INPP5B: variants seen among roughly 807,000 people sequenced by gnomAD.
INPP5B encodes type II inositol 1,4,5-trisphosphate 5-phosphatase.
INPP5B carries 90 observed loss-of-function variants against 118.5 expected under a neutral mutation model. The observed-to-expected ratio is 0.76, with a 90% CI of 0.64 to 0.90. The LOEUF (loss-of-function observed/expected upper bound fraction) is 0.90. INPP5B is among the 40% of genes least tolerant of loss of function. The pLI is 0.00. For synonymous variants in INPP5B, 385 were observed against 418.9 expected (o/e 0.92, Z 0.99); for missense variants, 984 against 1,125.6 (o/e 0.87, Z 1.80).
Position 37,864,388 on chromosome 1 carries a change from G to T in INPP5B, c.2550C>A (p.Val850=). Residue 850 remains valine, a synonymous_variant, in exon 23 of 24, where the codon GTC becomes GTA. Transcript: ENST00000373024. ...ISTLPIFHKN[V]FHYLMAFLRE... is the part of the protein sequence containing the mutation. ...GCAAAAACGCCATCAAGTAGTGGAA[G>T]ACATTTTTGTGGAATATGGGGAGAG... 1 of 1,612,964 alleles carries T rather than the reference G, an allele frequency of 6.2e-7. No individual in the cohort carries two copies. Among genetic ancestry groups the T allele is most frequent in the Non-Finnish European group, 8.5e-7 (1 of 1,179,006 alleles).
chr1:37,928,406 TG>T (rs1645322696), intron 7 of INPP5B: 1 of 152,560 alleles, frequency 6.6e-6, no homozygotes, highest in Admixed American at 6.6e-5. Flanking sequence ...TCGCCCAGGC[TG>T]GAGTGCAGTG....
intron 1 of INPP5B, 42 bp from the exon 2 acceptor site, chr1:37,946,376 T>TA (rs1213093813): frequency 6.7e-7 from 1 of 1,485,746 alleles, no homozygotes. Flanking sequence ...GTCAACAAGT[T>TA]ACGCATGGGG....
In INPP5B at chr1:37,911,721, T is replaced by A. The variant is rs1644706465; in HGVS notation, c.532+20192A>T. Among the ~76,000 whole-genome samples the A allele has an allele frequency of 2.6e-5, 4 of 152,040 alleles. No individual in the cohort carries two copies. The South Asian group carries it at 8.3e-4, about 32-fold the overall frequency. ...ATGCTGTTATATGGGCAGAAAGAGG[T>A]TTCCTCACTACTCAAGGGTCCTCCA... is the stretch of plus-strand genomic sequence containing the variant. On this transcript the variant is annotated intron_variant, in intron 7 of 23. Coordinates refer to ENST00000373024, the MANE Select transcript of INPP5B (RefSeq NM_005540.3).
At position 37,887,023 on chromosome 1, in the gene INPP5B, G is replaced by T; in HGVS notation, c.1015-19C>A. 1 of 1,598,714 alleles carries T rather than the reference G, an allele frequency of 6.3e-7. No individual in the cohort carries two copies. The highest frequency in any genetic ancestry group is 8.6e-7 in the Non-Finnish European group (1 of 1,166,770). Reference sequence around the variant, plus strand: ...GCTTCACCTGGAAAAGAGAGACATGGCATTAAATAGAAATTGCAAACAGGA... The same window carrying T: ...GCTTCACCTGGAAAAGAGAGACATGTCATTAAATAGAAATTGCAAACAGGA... On this transcript the variant is annotated intron_variant, in intron 11 of 23. Transcript: ENST00000373024.
intron 3 of INPP5B, 34 bp downstream of exon 3, chr1:37,945,722 G>A (rs1646086608): frequency 6.5e-7 from 1 of 1,530,944 alleles, no homozygotes; most frequent in Admixed American, 1.7e-5. Context: ...CAACCCCATG[G>A]CCCAGACAGG....
chr1:37,871,366 G>A (rs140713546), intron 19 of INPP5B, among the ~76,000 whole-genome samples: 1,849 of 149,670 alleles, frequency 0.012, 35 homozygotes, highest in African/African-American at 0.043. Context: ...GCTGAGGCAG[G>A]AGAATCGTTT....
intron 6 of INPP5B, among the ~76,000 whole-genome samples, chr1:37,937,315 A>AAAAT (rs970459882): frequency 1.7e-4 from 26 of 151,812 alleles, no homozygotes; most frequent in East Asian, 3.9e-4. Context: ...CGTCTCACAA[A>AAAAT]AAATAAATAA....
rs1569915489 is a variant in INPP5B, at chr1:37,862,126, C to T, written c.*189G>A. The T allele has an allele frequency of 8.0e-6, 4 of 499,380 alleles. No homozygotes were observed. The highest frequency in any genetic ancestry group is 7.5e-5 in the South Asian group (2 of 26,738). The allele number at this position is 499,380 out of a possible 1,614,324, so 30.9% of individuals were successfully genotyped here. ...AGTTTTATTATGGTGGATTTTCTCCCGTGTCTTCACGACTCACAGCGCTGA... is the reference window on the plus strand; with the variant it reads ...AGTTTTATTATGGTGGATTTTCTCCTGTGTCTTCACGACTCACAGCGCTGA... On this transcript the variant is annotated 3_prime_UTR_variant, in exon 24 of 24. Coordinates refer to ENST00000373024, the MANE Select transcript of INPP5B (RefSeq NM_005540.3).
At chr1:37,869,241 C>G (rs548933151) in intron 19 of INPP5B, among the ~76,000 whole-genome samples, 1 of 151,878 alleles carries the variant, frequency 6.6e-6, no homozygotes, top group Admixed American at 6.6e-5. Flanking sequence ...AATCCACCCA[C>G]CTCGGCCTCC....
intron 8 of INPP5B, among the ~76,000 whole-genome samples, 191 bp from the exon 9 acceptor site, chr1:37,889,915 A>G (rs1385145671): frequency 6.6e-6 from 1 of 152,242 alleles, no homozygotes; most frequent in Non-Finnish European, 1.5e-5. Context: ...TGTTGATTGT[A>G]TAATATGTTG....
At chr1:37,873,406 T>C (rs1198421534) in intron 18 of INPP5B, 1 of 513,900 alleles carries the variant, frequency 1.9e-6, no homozygotes, top group Non-Finnish European at 3.5e-6. Context: ...TGCTATAAAA[T>C]TCAAGCACTA....
At chr1:37,865,913 C>T (rs373731178) in intron 21 of INPP5B, 25 bp from the exon 22 acceptor site, 53 of 1,608,726 alleles carry the variant, frequency 3.3e-5, no homozygotes, top group Admixed American at 8.4e-5. Context: ...GTTAAGGAAC[C>T]GATAATGCTG....
chr1:37,891,965 T>G (rs1186233101), intron 7 of INPP5B, among the ~76,000 whole-genome samples: 2 of 152,336 alleles, frequency 1.3e-5, no homozygotes, highest in East Asian at 3.9e-4. Flanking sequence ...CTCATCCAGG[T>G]ATCTTTACTG....
chr1:37,944,372 G>A (rs1479289403), intron 3 of INPP5B, among the ~76,000 whole-genome samples: 1 of 152,016 alleles, frequency 6.6e-6, no homozygotes, highest in African/African-American at 2.4e-5. Context: ...GTATGTGGGT[G>A]TTACTAGACA....
chr1:37,891,418 T>A lies in INPP5B; in HGVS notation c.569A>T (p.Lys190Met), dbSNP rs2148522786. The change falls in exon 8 of 24, where the codon AAG (lysine) becomes ATG (methionine). Residue 190 changes from lysine to methionine, a missense_variant. By Grantham distance (95) the Lys-to-Met change is moderately conservative. Transcript: ENST00000373024. Reference sequence around the variant, plus strand: ...GGAGCTTTGGTCCATAGGCACTCCCTTCCCATTTGGTCTCAAACCATCAAA... The same window carrying A: ...GGAGCTTTGGTCCATAGGCACTCCCATCCCATTTGGTCTCAAACCATCAAA... The part of the protein sequence containing the change: ...SNFDGLRPNG[K>M]GVPMDQSSRG... The A allele has an allele frequency of 6.2e-7, 1 of 1,614,004 alleles. No homozygotes were observed. The highest frequency in any genetic ancestry group is 8.5e-7 in the Non-Finnish European group (1 of 1,179,906).
intron 14 of INPP5B, among the ~76,000 whole-genome samples, chr1:37,881,030 T>A (rs1311881675): frequency 6.6e-6 from 1 of 152,204 alleles, no homozygotes; most frequent in Non-Finnish European, 1.5e-5. Flanking sequence ...GCTAAGGCTC[T>A]TTCATAAGAG....
chr1:37,864,870 A>G (rs1641933339), intron 22 of INPP5B: 1 of 153,090 alleles, frequency 6.5e-6, no homozygotes, highest in Non-Finnish European at 1.5e-5. Flanking sequence ...GCATATCAGA[A>G]TCAGTTTGGA....
chr1:37,901,317 C>T (rs532136896), intron 7 of INPP5B, among the ~76,000 whole-genome samples: 40 of 152,258 alleles, frequency 2.6e-4, no homozygotes, highest in Admixed American at 1.3e-3. Context: ...TGAGAAGTCA[C>T]TTCTGCTCTT....
chr1:37,898,430 G>A lies in INPP5B; in HGVS notation c.533-6976C>T, dbSNP rs568625137. ...ATGAAACTGGGCTGGGCACGGTGGC[G>A]CACGCCTGTAATCCCAGCACTTTGG... On this transcript the variant is annotated intron_variant, in intron 7 of 23. Transcript: ENST00000373024. Among the ~76,000 whole-genome samples, 5 of 152,228 alleles carry A rather than the reference G, an allele frequency of 3.3e-5. No individual in the cohort carries two copies. The East Asian group carries it at 5.8e-4, about 18-fold the overall frequency.
Sources: allele counts gnomAD v4.1 joint callset (sites outside exome capture counted in the v4.1 genomes callset), GRCh38; gene constraint gnomAD v4.1.1; transcripts MANE v1.5; gene names NCBI Gene and HGNC (gene_info 2026-07-23, HGNC 2026-07-21).